CRISPLD2: variants seen among roughly 807,000 people sequenced by gnomAD.
CRISPLD2 encodes cysteine-rich secretory protein LCCL domain-containing 2.
CRISPLD2 carries 47 observed loss-of-function variants against 71.1 expected under a neutral mutation model. That is an observed-to-expected ratio of 0.66 (90% CI 0.52 to 0.84). The LOEUF is 0.84. Among genes scored for constraint, CRISPLD2 ranks in the 40% least tolerant of loss-of-function variants. The probability of loss-of-function intolerance (pLI) is 0.00; values close to 1 mark genes in which losing one functional copy is unlikely to be tolerated. For missense variants in CRISPLD2, 830 were observed against 651.1 expected (o/e 1.27, Z -2.99); for synonymous variants, 317 against 250.1 (o/e 1.27, Z -2.52).
At chr16:84,879,816 G>A (rs111278445) in intron 12 of CRISPLD2, among the ~76,000 whole-genome samples, 3,179 of 152,218 alleles carry the variant, frequency 0.021, 109 homozygotes, top group African/African-American at 0.074. Flanking sequence ...GATGGCTTCC[G>A]GCTGCCATTT....
chr16:84,838,335 C>A (rs1163402615), intron 1 of CRISPLD2, 87 bp from the exon 2 acceptor site: 7 of 796,386 alleles, frequency 8.8e-6, no homozygotes, highest in Non-Finnish European at 1.4e-5. Context: ...TGGAGAGAGT[C>A]GTGTGTGCTG....
chr16:84,854,135 C>A (rs1354618415), intron 5 of CRISPLD2, among the ~76,000 whole-genome samples: 1 of 152,198 alleles, frequency 6.6e-6, no homozygotes, highest in Non-Finnish European at 1.5e-5. Context: ...GTTCAAATCC[C>A]AGCCCCGCCA....
intron 13 of CRISPLD2, among the ~76,000 whole-genome samples, chr16:84,886,398 G>A (rs1467586711): frequency 6.6e-6 from 1 of 152,228 alleles, no homozygotes; most frequent in Non-Finnish European, 1.5e-5. Context: ...GTAAGGACGG[G>A]ACAAAGGAGC....
intron 11 of CRISPLD2, among the ~76,000 whole-genome samples, chr16:84,876,474 C>A (rs578178730): frequency 6.6e-6 from 1 of 151,956 alleles, no homozygotes; most frequent in African/African-American, 2.4e-5. Flanking sequence ...GGCACTCCAG[C>A]CTGGGCGACA....
intron 3 of CRISPLD2, among the ~76,000 whole-genome samples, chr16:84,846,549 T>G (rs1012427181): frequency 6.6e-6 from 1 of 152,136 alleles, no homozygotes; most frequent in African/African-American, 2.4e-5. Flanking sequence ...CCACCGCGCC[T>G]GGCCTGTAGT....
rs1417890746 is a variant in CRISPLD2 at position 84,880,558 on chromosome 16, G to A, written c.1279G>A (p.Val427Met). The change falls in exon 13 of 15, where the codon GTG (valine) becomes ATG (methionine). Residue 427 changes from valine to methionine, a missense_variant. Coordinates refer to ENST00000262424, the MANE Select transcript of CRISPLD2 (RefSeq NM_031476.4). ...CKDEPSYWAP[V>M]FGTNIYADTS... ...AGACGAACCTTCCTACTGGGCTCCG[G>A]TGTTTGGAACCAACATCTATGCAGA... 1.2e-6 allele frequency: 2 copies of A among 1,613,932 alleles called. No homozygotes were observed. Among genetic ancestry groups the A allele is most frequent in the East Asian group, 4.5e-5 (2 of 44,882 alleles).
At chr16:84,839,454 G>A (rs947141796) in intron 2 of CRISPLD2, 3 of 165,006 alleles carry the variant, frequency 1.8e-5, no homozygotes, top group Admixed American at 1.7e-4. Context: ...TCGCGTGGTT[G>A]CCATGACTGT....
At chr16:84,866,752 T>A in intron 6 of CRISPLD2, 145 bp from the exon 7 acceptor site, 1 of 763,396 alleles carries the variant, frequency 1.3e-6, no homozygotes, top group Middle Eastern at 2.6e-4. Flanking sequence ...TGTTCTGAAA[T>A]GTAACTTTCT....
chr16:84,872,698 T>A (rs540463871), intron 9 of CRISPLD2, among the ~76,000 whole-genome samples, 190 bp downstream of exon 9: 1 of 152,328 alleles, frequency 6.6e-6, no homozygotes, highest in East Asian at 1.9e-4. Flanking sequence ...GGACCAATCC[T>A]CCTGAAGGCC....
rs1265609399 is a variant in CRISPLD2, at chr16:84,908,089, T to C, written c.*1447T>C. Reference sequence around the variant, plus strand: ...ACTAGCAGAAAGTCAAAAACTAAGATACTGTAGACTGGACAAGAAATTCTA... The same window carrying C: ...ACTAGCAGAAAGTCAAAAACTAAGACACTGTAGACTGGACAAGAAATTCTA... On this transcript the variant is annotated 3_prime_UTR_variant, in exon 15 of 15. Transcript: ENST00000262424. 1 of 152,254 alleles carries C rather than the reference T, an allele frequency of 6.6e-6. No individual in the cohort carries two copies. The highest frequency in any genetic ancestry group is 1.5e-5 in the Non-Finnish European group (1 of 68,036). 9.4% of individuals were successfully genotyped at this position (152,254 alleles called of 1,614,324 possible).
chr16:84,870,320 TG>T (rs1000230269), intron 8 of CRISPLD2, among the ~76,000 whole-genome samples: 1 of 152,054 alleles, frequency 6.6e-6, no homozygotes, highest in African/African-American at 2.4e-5. Context: ...CCATGTATTT[TG>T]TTTTTTTTTT....
intron 1 of CRISPLD2, among the ~76,000 whole-genome samples, chr16:84,826,145 A>G (rs547888370): frequency 1.3e-5 from 2 of 152,200 alleles, no homozygotes; most frequent in South Asian, 4.1e-4. Context: ...AAGGTGGGGC[A>G]TGGAGGGCTG....
In CRISPLD2 at chr16:84,881,407, G is replaced by A. The variant is rs1271496077; in HGVS notation, c.1305+823G>A. On this transcript the variant is annotated intron_variant, in intron 13 of 14. Transcript: ENST00000262424. ...GGAGCTTTAGCCCGGTTTTTCTTAG[G>A]TGGATCCTGCAGAACATTGTCTGTT... Among the ~76,000 whole-genome samples, 6 of 152,200 alleles carry A rather than the reference G, an allele frequency of 3.9e-5. No homozygotes were observed. The East Asian group carries it at 7.7e-4, about 20-fold the overall frequency.
At chr16:84,893,844 G>A (rs577431571) in intron 14 of CRISPLD2, among the ~76,000 whole-genome samples, 7 of 152,348 alleles carry the variant, frequency 4.6e-5, no homozygotes, top group African/African-American at 1.7e-4. Flanking sequence ...CCCAATAGGG[G>A]CTGTGGAAAC....
At chr16:84,843,204 C>T (rs561472976) in intron 2 of CRISPLD2, among the ~76,000 whole-genome samples, 10 of 152,310 alleles carry the variant, frequency 6.6e-5, no homozygotes, top group Middle Eastern at 3.4e-3. Flanking sequence ...GAGGCTACCT[C>T]GGAGCAAGGA....
intron 8 of CRISPLD2, among the ~76,000 whole-genome samples, chr16:84,870,459 A>G (rs887035377): frequency 6.6e-6 from 1 of 151,958 alleles, no homozygotes; most frequent in African/African-American, 2.4e-5. Flanking sequence ...AGCTGGAACT[A>G]CAGGCACACG....
At chr16:84,886,184 C>A (rs1040727364) in intron 13 of CRISPLD2, among the ~76,000 whole-genome samples, 2 of 152,100 alleles carry the variant, frequency 1.3e-5, no homozygotes, top group Non-Finnish European at 2.9e-5. Flanking sequence ...GCCACCGCGC[C>A]GGCCAAATTG....
In CRISPLD2 at chr16:84,902,827, G is replaced by A. The variant is rs534118800; in HGVS notation, c.1440-3761G>A. ...CTCACTCTGTTGCCCAGGCTGGAGT[G>A]CAGTGGCGTGATCTCGCTCACCGCA... On this transcript the variant is annotated intron_variant, in intron 14 of 14. Transcript: ENST00000262424. 1.5e-4 allele frequency among the ~76,000 whole-genome samples: 20 copies of A among 137,098 alleles called. No individual in the cohort carries two copies. The South Asian group carries it at 5.2e-3, about 36-fold the overall frequency. 89.9% of individuals were successfully genotyped at this position (137,098 alleles called of 152,430 possible).
At chr16:84,892,374 C>T (rs1207193054) in intron 14 of CRISPLD2, among the ~76,000 whole-genome samples, 1 of 152,232 alleles carries the variant, frequency 6.6e-6, no homozygotes. Context: ...TGACACAAGT[C>T]AGTCAGCACA....
Sources: allele counts gnomAD v4.1 joint callset (sites outside exome capture counted in the v4.1 genomes callset), GRCh38; gene constraint gnomAD v4.1.1; transcripts MANE v1.5; gene names NCBI Gene and HGNC (gene_info 2026-07-23, HGNC 2026-07-21).